The following CRYBG3 variants were observed in gnomAD, a reference collection of about 807,000 sequenced individuals.
CRYBG3 encodes the protein crystallin beta-gamma domain containing 3.
In CRYBG3, 127 loss-of-function variants were observed where a neutral mutation model predicts 244.2. The ratio of observed to expected loss-of-function variants is 0.52; its 90% CI spans 0.45 to 0.60. The LOEUF is 0.60. Ranked by LOEUF, CRYBG3 falls within the 20% of genes least tolerant of loss-of-function variation. CRYBG3 has a pLI of 0.00. For missense variants in CRYBG3, 3,325 were observed against 3,442.5 expected (o/e 0.97, Z 0.85); for synonymous variants, 1,132 against 1,195.8 (o/e 0.95, Z 1.10).
Position 97,901,857 on chromosome 3 carries a change from G to A in CRYBG3, c.8004+1372G>A, listed in dbSNP as rs140606421. On this transcript the variant is annotated intron_variant, in intron 15 of 21. Transcript: ENST00000389622. Reference sequence around the variant, plus strand: ...TTGAAGAGAGGAAGCAGCAGAAAACGCCCAGTGAAATCAGCTCCACTTCAT... The same window carrying A: ...TTGAAGAGAGGAAGCAGCAGAAAACACCCAGTGAAATCAGCTCCACTTCAT... Among the ~76,000 whole-genome samples, 9 of 152,202 alleles carry A rather than the reference G, an allele frequency of 5.9e-5. 1 individual carries two copies. Among genetic ancestry groups the A allele is most frequent in the African/African-American group, 2.2e-4 (9 of 41,540 alleles).
Position 97,936,778 on chromosome 3 carries a change from C to T in CRYBG3, c.8382-7C>T. 10 of 1,608,916 alleles carry T rather than the reference C, an allele frequency of 6.2e-6. No individual in the cohort carries two copies. The highest frequency in any genetic ancestry group is 8.5e-6 in the Non-Finnish European group (10 of 1,177,824). On this transcript the variant is annotated splice_polypyrimidine_tract_variant and splice_region_variant and intron_variant, in intron 18 of 21. Transcript: ENST00000389622. ...GTACACTACTTTTTTCTTTCTTGTT[C>T]TCATAGATGGATAGCTTATGAAGGA...
intron 9 of CRYBG3, 141 bp downstream of exon 9, chr3:97,888,596 C>T (rs2039536666): frequency 3.0e-6 from 2 of 663,686 alleles, no homozygotes; most frequent in African/African-American, 1.8e-5. Flanking sequence ...ACTGTAGTGC[C>T]TTCAGTATTT....
In CRYBG3 at chr3:97,883,195, G is replaced by A. The variant is rs114636849; in HGVS notation, c.7152+1976G>A. On this transcript the variant is annotated intron_variant, in intron 7 of 21. Transcript: ENST00000389622. ...TCAGATACAGAGGTGAGCTTTGGTG[G>A]CCTAGTATACTGCAAGGAGATTAAG... 2.5e-3 allele frequency among the ~76,000 whole-genome samples: 380 copies of A among 152,258 alleles called. 2 individuals carry two copies. The highest frequency in any genetic ancestry group is 3.8e-3 in the Non-Finnish European group (259 of 68,014).
In CRYBG3 at chr3:97,864,603, G is replaced by T; in HGVS notation, c.603G>T (p.Leu201Phe). ...CCGAACTCTCAGATGCTTTTTCTTTGGATACAACACAAGACAGTGACCAAG... is the reference window on the plus strand; with the variant it reads ...CCGAACTCTCAGATGCTTTTTCTTTTGATACAACACAAGACAGTGACCAAG... ...NSSELSDAFS[L>F]DTTQDSDQET... The change falls in exon 3 of 22, where the codon TTG (leucine) becomes TTT (phenylalanine). Residue 201 changes from leucine (L) to phenylalanine (F), a missense_variant. Physicochemically the swap from Leu to Phe is conservative, Grantham distance 22. This residue lies in a region of CRYBG3 where 1,526 missense variants were observed against 1,443.2 expected (regional missense o/e 1.06). Transcript: ENST00000389622. The T allele has an allele frequency of 6.5e-7, 1 of 1,535,466 alleles. No homozygotes were observed. Among genetic ancestry groups the T allele is most frequent in the South Asian group, 1.2e-5 (1 of 84,010 alleles).
At chr3:97,882,913 GTGGT>G (rs2039467186) in intron 7 of CRYBG3, among the ~76,000 whole-genome samples, 1 of 152,188 alleles carries the variant, frequency 6.6e-6, no homozygotes, top group African/African-American at 2.4e-5. Context: ...AGCCAATACT[GTGGT>G]GTGCACAGGG....
chr3:97,942,689 G>C (rs1460977882), intron 21 of CRYBG3: 1 of 349,068 alleles, frequency 2.9e-6, no homozygotes, highest in African/African-American at 2.1e-5. Flanking sequence ...CGTGAACTCA[G>C]AACAGTTCTA....
At chr3:97,942,197 A>G in intron 20 of CRYBG3, 87 bp from the exon 21 acceptor site, 1 of 1,180,328 alleles carries the variant, frequency 8.5e-7, no homozygotes, top group Non-Finnish European at 1.2e-6. Flanking sequence ...CATGTCTATG[A>G]CTTGTTTACC....
chr3:97,879,805 T>A, intron 5 of CRYBG3, 57 bp downstream of exon 5: 1 of 1,283,948 alleles, frequency 7.8e-7, no homozygotes, highest in Non-Finnish European at 1.1e-6. Flanking sequence ...ACTTTCAGGC[T>A]TGAGGAATTT....
chr3:97,827,672 C>T (rs1332989092), intron 1 of CRYBG3, among the ~76,000 whole-genome samples: 1 of 152,116 alleles, frequency 6.6e-6, no homozygotes, highest in African/African-American at 2.4e-5. Flanking sequence ...CTTTATTAAG[C>T]CCTGAGCTTG....
chr3:97,883,290 G>T (rs1338322917), intron 7 of CRYBG3, among the ~76,000 whole-genome samples: 1 of 152,156 alleles, frequency 6.6e-6, no homozygotes, highest in Non-Finnish European at 1.5e-5. Context: ...CAGTTCTGCA[G>T]ATAACCATTT....
At chr3:97,829,327 C>G (rs1287872788) in intron 1 of CRYBG3, among the ~76,000 whole-genome samples, 1 of 152,170 alleles carries the variant, frequency 6.6e-6, no homozygotes, top group African/African-American at 2.4e-5. Flanking sequence ...TTATTAATCT[C>G]TAATGTGAAA....
In CRYBG3 at chr3:97,868,233, G is replaced by A. The variant is rs145831140; in HGVS notation, c.647+3586G>A. On this transcript the variant is annotated intron_variant, in intron 3 of 21. Coordinates refer to ENST00000389622, the MANE Select transcript of CRYBG3 (RefSeq NM_153605.4). ...CAGGAGGCAGAGCTTGCAGTGAGCCGAGATAGCACCACTGCAGTCCGACCT... is the reference window on the plus strand; with the variant it reads ...CAGGAGGCAGAGCTTGCAGTGAGCCAAGATAGCACCACTGCAGTCCGACCT... Among the ~76,000 whole-genome samples the A allele has an allele frequency of 1.2e-3, 174 of 148,686 alleles. 1 individual carries two copies. In the Middle Eastern group the frequency reaches 0.017, roughly 15 times the overall value.
At chr3:97,863,482 G>C (rs930632612) in intron 2 of CRYBG3, among the ~76,000 whole-genome samples, 1 of 152,106 alleles carries the variant, frequency 6.6e-6, no homozygotes, top group Non-Finnish European at 1.5e-5. Context: ...TCCATGGTTT[G>C]AATTAACATT....
At position 97,824,338 on chromosome 3, in the gene CRYBG3, A is replaced by G. The variant is rs77207258; in HGVS notation, c.149+1983A>G. Reference sequence around the variant, plus strand: ...TCTCTTTGTGGGCATAAAAACTTTTATCATTATGAGAGCTGGGTATACCTT... The same window carrying G: ...TCTCTTTGTGGGCATAAAAACTTTTGTCATTATGAGAGCTGGGTATACCTT... On this transcript the variant is annotated intron_variant, in intron 1 of 21. Coordinates refer to ENST00000389622, the MANE Select transcript of CRYBG3 (RefSeq NM_153605.4). Among the ~76,000 whole-genome samples the G allele has an allele frequency of 3.3e-3, 496 of 152,326 alleles. 2 individuals are homozygous for G. The highest frequency in any genetic ancestry group is 0.011 in the African/African-American group (474 of 41,578).
At chr3:97,835,426 T>G (rs966623846) in intron 1 of CRYBG3, among the ~76,000 whole-genome samples, 9 of 151,868 alleles carry the variant, frequency 5.9e-5, no homozygotes, top group African/African-American at 2.2e-4. Flanking sequence ...CATGAGCAAG[T>G]CTGAGGAAAG....
intron 3 of CRYBG3, among the ~76,000 whole-genome samples, chr3:97,864,872 A>G (rs1378522528): frequency 6.6e-6 from 1 of 152,022 alleles, no homozygotes; most frequent in African/African-American, 2.4e-5. Flanking sequence ...TTAGTAAAAG[A>G]TTCTTTTTTT....
chr3:97,900,316 C>T, intron 14 of CRYBG3, 137 bp from the exon 15 acceptor site: 1 of 586,780 alleles, frequency 1.7e-6, no homozygotes. Context: ...CCACTGTACC[C>T]CAGCCTGGAT....
Position 97,877,145 on chromosome 3 carries a change from A to G in CRYBG3, c.5951A>G (p.Tyr1984Cys), listed in dbSNP as rs2039386238. The change falls in exon 4 of 22, where the codon TAT becomes TGT. Residue 1984 changes from tyrosine (Y) to cysteine (C), a missense_variant. Transcript: ENST00000389622. ...RRETDYSDKG[Y>C]NLAFVSQDEQ... is the part of the protein sequence containing the mutation. The stretch of plus-strand genomic sequence containing the variant: ...GAGACAGATTATAGTGACAAAGGAT[A>G]TAATTTAGCTTTTGTTTCTCAAGAT... 1.2e-6 allele frequency: 2 copies of G among 1,613,896 alleles called. No homozygotes were observed. The highest frequency in any genetic ancestry group is 8.5e-7 in the Non-Finnish European group (1 of 1,179,910).
At chr3:97,935,219 A>T (rs1329537906) in intron 18 of CRYBG3, among the ~76,000 whole-genome samples, 1 of 152,090 alleles carries the variant, frequency 6.6e-6, no homozygotes, top group African/African-American at 2.4e-5. Context: ...CAGTTTTCCA[A>T]CTGTGGAATT....
Sources: gnomAD v4.1 joint callset for allele counts (sites outside exome capture counted in the v4.1 genomes callset) on GRCh38, gnomAD v4.1.1 for gene constraint, gnomAD v4.1.1 regional missense constraint, MANE v1.5 for transcripts, NCBI Gene and HGNC (gene_info 2026-07-23, HGNC 2026-07-21) for gene names.